Variants in ARSG observed in about 807,000 individuals in gnomAD.
ARSG encodes ASG.
In ARSG, 37 loss-of-function variants were observed where a neutral mutation model predicts 50.5. That is an observed-to-expected ratio of 0.73 (90% CI 0.56 to 0.96). The LOEUF (loss-of-function observed/expected upper bound fraction) is 0.96. Ranked by LOEUF, ARSG falls within the 50% of genes least tolerant of loss-of-function variation. The probability of loss-of-function intolerance (pLI) is 0.00; values close to 1 mark genes in which losing one functional copy is unlikely to be tolerated. For synonymous variants in ARSG, 225 were observed against 254.6 expected (o/e 0.88, Z 1.11); for missense variants, 629 against 675.3 (o/e 0.93, Z 0.76).
In ARSG at chr17:68,387,116, CACAT is replaced by C. The variant is rs1464315699; in HGVS notation, c.1091+1947_1091+1950del. The stretch of plus-strand genomic sequence containing the variant: ...ACACACACACACACACACACACACA[CACAT>C]ACCTTTTATTTTATTTATTTTGTTA... On this transcript the variant is annotated intron_variant, in intron 9 of 11. Transcript: ENST00000621439. Among the ~76,000 whole-genome samples the C allele has an allele frequency of 1.6e-3, 198 of 122,434 alleles. 4 individuals are homozygous for C. The South Asian group carries it at 0.022, about 13-fold the overall frequency. The allele number at this position is 122,434 out of a possible 152,430, so 80.3% of individuals were successfully genotyped here.
At chr17:68,262,307 TAAAAATACAA>T (rs1346271996) in intron 1 of ARSG, among the ~76,000 whole-genome samples, 2 of 148,660 alleles carry the variant, frequency 1.3e-5, no homozygotes, top group Non-Finnish European at 3.0e-5. Flanking sequence ...CCGTGTCTAC[TAAAAATACAA>T]AAAATTAGCC....
rs369151547 is a variant in ARSG, at chr17:68,321,342, G to C, written c.218+13631G>C. Among the ~76,000 whole-genome samples the C allele has an allele frequency of 2.0e-5, 3 of 152,288 alleles. No individual in the cohort carries two copies. In the East Asian group the frequency reaches 5.8e-4, roughly 29 times the overall value. On this transcript the variant is annotated intron_variant, in intron 2 of 11. Coordinates refer to ENST00000621439, the MANE Select transcript of ARSG (RefSeq NM_001267727.2). ...CAATGATCTCACTTGACAACCTTCT[G>C]AGGAATAAGTCAGCTGTGTTCCCAT...
At chr17:68,305,519 A>G (rs781980786) in intron 1 of ARSG, among the ~76,000 whole-genome samples, 2 of 152,212 alleles carry the variant, frequency 1.3e-5, no homozygotes, top group Non-Finnish European at 2.9e-5. Flanking sequence ...GCAGATTCAT[A>G]TGTACCTCCA....
chr17:68,290,790 G>A (rs1488309781), upstream of ARSG, among the ~76,000 whole-genome samples: 1 of 152,188 alleles, frequency 6.6e-6, no homozygotes, highest in Non-Finnish European at 1.5e-5. Flanking sequence ...CCCGGGGCAG[G>A]GGGCACTCAA....
At chr17:68,433,077 TA>T in the ARSG span, among the ~76,000 whole-genome samples, 1 of 152,286 alleles carries the variant, frequency 6.6e-6, no homozygotes, top group Non-Finnish European at 1.5e-5. Context: ...TTGTTATATT[TA>T]CAGCTATATC....
At chr17:68,442,255 G>T in the ARSG span, among the ~76,000 whole-genome samples, 1 of 152,120 alleles carries the variant, frequency 6.6e-6, no homozygotes. Flanking sequence ...CTTGAGGACA[G>T]GAGTTCAAGA....
chr17:68,290,881 G>A (rs1470624972), upstream of ARSG, among the ~76,000 whole-genome samples: 1 of 150,632 alleles, frequency 6.6e-6, no homozygotes, highest in East Asian at 2.0e-4. Context: ...TACCCACACC[G>A]GCGCGAGCGC....
the ARSG span, among the ~76,000 whole-genome samples, chr17:68,446,872 C>T: frequency 1.8e-4 from 28 of 152,198 alleles, 1 homozygote; most frequent in Admixed American, 1.8e-3. Context: ...TCAGGTCACC[C>T]TCATGCTGGC....
chr17:68,434,824 C>A, the ARSG span, among the ~76,000 whole-genome samples: 467 of 152,286 alleles, frequency 3.1e-3, 1 homozygote, highest in African/African-American at 0.011. Flanking sequence ...CTCTGTCTAC[C>A]TTTTCCCTTC....
intron 6 of ARSG, among the ~76,000 whole-genome samples, chr17:68,366,575 A>G (rs1272058117): frequency 6.6e-6 from 1 of 152,076 alleles, no homozygotes; most frequent in Non-Finnish European, 1.5e-5. Flanking sequence ...GTACGAAAAA[A>G]CTAGGCAAGA....
chr17:68,328,474 A>G (rs761543732), intron 2 of ARSG, among the ~76,000 whole-genome samples: 1 of 151,996 alleles, frequency 6.6e-6, no homozygotes, highest in Non-Finnish European at 1.5e-5. Context: ...CGTGCCTTTA[A>G]TTTTCTTATC....
rs905085325 is a variant in ARSG, at chr17:68,412,882, C to T, written c.1304-7307C>T. 2.6e-4 allele frequency among the ~76,000 whole-genome samples: 40 copies of T among 152,238 alleles called. 2 individuals are homozygous for T. In the South Asian group the frequency reaches 6.0e-3, roughly 23 times the overall value. ...TCATTTCATTCATTTCATCTTCCATCGCTGATACCCTTTCTTCCAGTTGAT... is the reference window on the plus strand; with the variant it reads ...TCATTTCATTCATTTCATCTTCCATTGCTGATACCCTTTCTTCCAGTTGAT... On this transcript the variant is annotated intron_variant, in intron 11 of 11. Transcript: ENST00000621439.
chr17:68,361,742 C>A (rs569243672), intron 6 of ARSG, among the ~76,000 whole-genome samples: 29 of 152,130 alleles, frequency 1.9e-4, no homozygotes, highest in African/African-American at 6.3e-4. Flanking sequence ...CATGGTGAAA[C>A]CCCATCTCTA....
At chr17:68,322,519 AG>A (rs2077329633) in intron 2 of ARSG, among the ~76,000 whole-genome samples, 1 of 152,188 alleles carries the variant, frequency 6.6e-6, no homozygotes, top group South Asian at 2.1e-4. Flanking sequence ...CAGGAGGCTG[AG>A]GCAGGAGAAT....
rs373572305 is a variant in ARSG at position 68,271,494 on chromosome 17, C to T, written c.-552+12068C>T. On this transcript the variant is annotated intron_variant, in intron 1 of 11. Transcript: ENST00000448504. This position sits in a 1 kb window ranked among gnomAD's most constrained non-coding sequence, Gnocchi z 5.3. Reference sequence around the variant, plus strand: ...TTTTCTCATTTTCAAGCATATACTGCGCTTCTTTCCGATTTTCCTGGATGA... The same window carrying T: ...TTTTCTCATTTTCAAGCATATACTGTGCTTCTTTCCGATTTTCCTGGATGA... 8.1e-5 allele frequency: 131 copies of T among 1,614,014 alleles called. No individual in the cohort carries two copies. Among genetic ancestry groups the T allele is most frequent in the Non-Finnish European group, 1.0e-4 (120 of 1,180,036 alleles).
intron 2 of ARSG, among the ~76,000 whole-genome samples, chr17:68,335,891 A>G (rs1015072545): frequency 1.3e-5 from 2 of 152,220 alleles, no homozygotes; most frequent in Admixed American, 6.5e-5. Flanking sequence ...AAGAAGAGCA[A>G]TATCGTGTTT....
chr17:68,435,160 T>C, the ARSG span, among the ~76,000 whole-genome samples: 2 of 151,456 alleles, frequency 1.3e-5, no homozygotes, highest in African/African-American at 4.9e-5. Context: ...TGAGCCGAGA[T>C]TGCGCCATTG....
At chr17:68,370,176 G>C (rs544337838) in intron 7 of ARSG, among the ~76,000 whole-genome samples, 1 of 152,042 alleles carries the variant, frequency 6.6e-6, no homozygotes, top group South Asian at 2.1e-4. Context: ...CACCATGCCC[G>C]GCTAATTTTT....
At chr17:68,369,055 G>T (rs1295580429) in intron 7 of ARSG, among the ~76,000 whole-genome samples, 3 of 152,328 alleles carry the variant, frequency 2.0e-5, no homozygotes, top group South Asian at 2.1e-4. Context: ...AGCCTGTGTT[G>T]TCCCTGTGCA....
Sources: gnomAD v4.1 joint callset for allele counts (sites outside exome capture counted in the v4.1 genomes callset) on GRCh38, gnomAD v4.1.1 for gene constraint, Gnocchi (gnomAD v3.1) non-coding constraint, MANE v1.5 for transcripts, NCBI Gene and HGNC (gene_info 2026-07-23, HGNC 2026-07-21) for gene names.